Variants in PPFIA1 observed in about 807,000 individuals in gnomAD.
PPFIA1 encodes liprin-alpha-1.
Under a neutral mutation model 149.9 loss-of-function variants are expected in PPFIA1, and 25 were observed. The observed-to-expected ratio is 0.17, with a 90% confidence interval of 0.12 to 0.23. The LOEUF (loss-of-function observed/expected upper bound fraction) is 0.23. PPFIA1 is among the 10% of genes least tolerant of loss of function. The pLI is 1.00. For synonymous variants in PPFIA1, 549 were observed against 552.8 expected, an observed-to-expected ratio of 0.99 and a Z score of 0.10; for missense variants, 1,362 against 1,506.5, an observed-to-expected ratio of 0.90 and a Z score of 1.59.
At chr11:70,349,008 T>C (rs1022038375) in intron 16 of PPFIA1, among the ~76,000 whole-genome samples, 4 of 152,052 alleles carry the variant, frequency 2.6e-5, no homozygotes, top group Admixed American at 2.6e-4. Context: ...TTTTCTGTTT[T>C]ATAGGAAAAA....
chr11:70,366,204 A>C (rs891353405), intron 21 of PPFIA1, among the ~76,000 whole-genome samples: 6 of 152,200 alleles, frequency 3.9e-5, no homozygotes, highest in African/African-American at 1.4e-4. Context: ...TTTTTAATTA[A>C]TATAGATTGC....
In PPFIA1 at chr11:70,332,022, G is replaced by C; in HGVS notation, c.1140G>C (p.Gln380His). 6.2e-7 allele frequency: 1 copy of C among 1,613,296 alleles called. No homozygotes were observed. Among genetic ancestry groups the C allele is most frequent in the Non-Finnish European group, 8.5e-7 (1 of 1,179,644 alleles). The change falls in exon 9 of 28, where the codon CAG (glutamine) becomes CAC (histidine). Residue 380 changes from glutamine (Q) to histidine (H), a missense_variant. Physicochemically the swap from Gln to His is conservative, Grantham distance 24. This residue lies in a region of PPFIA1 where 733 missense variants were observed against 744.1 expected (regional missense o/e 0.99). Transcript: ENST00000253925. ...AATTGGCAGAGCAAAAGCTGCAACA[G>C]ACACTGAGGAAGGCAGAGACGCTCC... The part of the protein sequence containing the change: ...RLELAEQKLQ[Q>H]TLRKAETLPE...
chr11:70,329,370 G>A lies in PPFIA1; in HGVS notation c.931-803G>A, dbSNP rs1031767001. 1.9e-4 allele frequency among the ~76,000 whole-genome samples: 29 copies of A among 152,320 alleles called. No individual in the cohort carries two copies. The East Asian group carries it at 3.9e-3, about 20-fold the overall frequency. On this transcript the variant is annotated intron_variant, in intron 7 of 27. Transcript: ENST00000253925. ...TTAATCGTATAGGTGAATATTTATG[G>A]TATTTGAGGTAGTTACATTTTCATT... is the stretch of plus-strand genomic sequence containing the variant.
At chr11:70,379,457 CA>C (rs546276253) in intron 26 of PPFIA1, among the ~76,000 whole-genome samples, 101 of 138,524 alleles carry the variant, frequency 7.3e-4, no homozygotes, top group Middle Eastern at 3.7e-3. Flanking sequence ...GACTCTGTCT[CA>C]AAAAAAAAAA....
chr11:70,381,952 C>G (rs957355191), intron 26 of PPFIA1, 136 bp from the exon 27 acceptor site: 4 of 681,990 alleles, frequency 5.9e-6, no homozygotes, highest in Non-Finnish European at 9.9e-6. Flanking sequence ...CCCGCCCACT[C>G]AGGCAGCTCC....
At chr11:70,344,850 C>T (rs11235963) in intron 15 of PPFIA1, among the ~76,000 whole-genome samples, 30,690 of 149,952 alleles carry the variant, frequency 0.2, 4,034 homozygotes, top group African/African-American at 0.43. Context: ...CAAATTACTA[C>T]GGAGCTCAGT....
chr11:70,338,365 T>C lies in PPFIA1; in HGVS notation c.1492-9T>C, dbSNP rs187446984. On this transcript the variant is annotated splice_polypyrimidine_tract_variant and intron_variant, in intron 12 of 27. Transcript: ENST00000253925. ...ATAGCAGTAATGTAAGTCTTTTGCT[T>C]TTCTGTAGGATCAGCTTGTCCTAAA... 210 of 1,606,900 alleles carry C rather than the reference T, an allele frequency of 1.3e-4. No individual in the cohort carries two copies. The highest frequency in any genetic ancestry group is 8.3e-4 in the Middle Eastern group (5 of 6,050).
chr11:70,312,023 A>G lies in PPFIA1; in HGVS notation c.265-12379A>G, dbSNP rs1028722930. Among the ~76,000 whole-genome samples, 8 of 150,200 alleles carry G rather than the reference A, an allele frequency of 5.3e-5. No individual in the cohort carries two copies. The South Asian group carries it at 8.4e-4, about 16-fold the overall frequency. On this transcript the variant is annotated intron_variant, in intron 2 of 27. Transcript: ENST00000253925. ...ACGCCTGGCTATTTTCTATATTTCTATTTTAGAGATGGGGTTTCACCATGT... is the reference window on the plus strand; with the variant it reads ...ACGCCTGGCTATTTTCTATATTTCTGTTTTAGAGATGGGGTTTCACCATGT...
At chr11:70,309,143 T>C (rs1163366325) in intron 2 of PPFIA1, among the ~76,000 whole-genome samples, 1 of 152,154 alleles carries the variant, frequency 6.6e-6, no homozygotes, top group East Asian at 1.9e-4. Flanking sequence ...TTCTCAGTAA[T>C]ATTTCAGGTT....
chr11:70,335,708 C>T lies in PPFIA1; in HGVS notation c.1428+14C>T, dbSNP rs1391936116. 1 of 1,613,204 alleles carries T rather than the reference C, an allele frequency of 6.2e-7. No individual in the cohort carries two copies. Among genetic ancestry groups the T allele is most frequent in the Non-Finnish European group, 8.5e-7 (1 of 1,179,516 alleles). ...TTGGAAGATAAGGTAAGTTAGATAA[C>T]ACGGACATGCTGGAGCTTTCCCACC... On this transcript the variant is annotated intron_variant, in intron 11 of 27. Transcript: ENST00000253925.
chr11:70,289,534 C>A (rs2051383985), intron 2 of PPFIA1, among the ~76,000 whole-genome samples: 1 of 152,122 alleles, frequency 6.6e-6, no homozygotes, highest in Non-Finnish European at 1.5e-5. Flanking sequence ...CTTAGCAATT[C>A]TTTTGGCTTT....
intron 2 of PPFIA1, chr11:70,278,953 T>C: frequency 1.6e-6 from 1 of 613,540 alleles, no homozygotes; most frequent in South Asian, 1.5e-5. Context: ...ATTAGAGATT[T>C]GTGGATGTGT....
At chr11:70,349,086 C>T (rs1247401181) in intron 16 of PPFIA1, among the ~76,000 whole-genome samples, 3 of 143,172 alleles carry the variant, frequency 2.1e-5, no homozygotes, top group Non-Finnish European at 3.0e-5. Flanking sequence ...TGGGTCAGTG[C>T]ATTTCTTTCC....
chr11:70,354,152 C>T, intron 16 of PPFIA1, 149 bp from the exon 17 acceptor site: 1 of 813,228 alleles, frequency 1.2e-6, no homozygotes, highest in South Asian at 1.8e-5. Context: ...CTGCGTGGCC[C>T]TTCAGAATGG....
intron 2 of PPFIA1, among the ~76,000 whole-genome samples, chr11:70,308,644 C>T (rs574368919): frequency 9.9e-5 from 15 of 152,046 alleles, no homozygotes; most frequent in African/African-American, 2.7e-4. Flanking sequence ...AAAAATTGAT[C>T]GCAGAGGCTG....
At chr11:70,352,869 C>T (rs921371989) in intron 16 of PPFIA1, among the ~76,000 whole-genome samples, 2 of 151,894 alleles carry the variant, frequency 1.3e-5, no homozygotes, top group Non-Finnish European at 2.9e-5. Flanking sequence ...GCCAGGCTCA[C>T]GGGGCTTTCC....
chr11:70,360,049 G>A (rs1591336639), intron 19 of PPFIA1, among the ~76,000 whole-genome samples: 1 of 152,260 alleles, frequency 6.6e-6, no homozygotes, highest in East Asian at 1.9e-4. Context: ...GGACTGGTCT[G>A]ATAGGGGAGG....
intron 19 of PPFIA1, 148 bp from the exon 20 acceptor site, chr11:70,361,947 G>A (rs1002137904): frequency 3.0e-6 from 2 of 670,004 alleles, no homozygotes; most frequent in East Asian, 2.7e-5. Flanking sequence ...TTTTTGTAGA[G>A]TTGGGGTCTC....
rs773916974 is a variant in PPFIA1 at position 70,333,560 on chromosome 11, A to G, written c.1296+7A>G. 1 of 1,608,562 alleles carries G rather than the reference A, an allele frequency of 6.2e-7. No individual in the cohort carries two copies. Among genetic ancestry groups the G allele is most frequent in the East Asian group, 2.2e-5 (1 of 44,816 alleles). ...GAATCAAGAACTGCAGCGGGTGAGC[A>G]TGCAGCCCTGAGGGTGGGGGCGCTG... On this transcript the variant is annotated splice_region_variant and intron_variant, in intron 10 of 27. Coordinates refer to ENST00000253925, the MANE Select transcript of PPFIA1 (RefSeq NM_003626.5).
Sources: gnomAD v4.1 joint callset for allele counts (sites outside exome capture counted in the v4.1 genomes callset) on GRCh38, gnomAD v4.1.1 for gene constraint, gnomAD v4.1.1 regional missense constraint, MANE v1.5 for transcripts, NCBI Gene and HGNC (gene_info 2026-07-23, HGNC 2026-07-21) for gene names.